EYA1: variants seen among roughly 807,000 people sequenced by gnomAD.
EYA1 encodes the protein protein phosphatase EYA1.
A neutral mutation model predicts 82.0 loss-of-function variants in EYA1; 16 were observed. The ratio of observed to expected loss-of-function variants is 0.20; its 90% CI spans 0.13 to 0.30. The LOEUF is 0.30. Ranked by LOEUF, EYA1 falls within the 10% of genes least tolerant of loss-of-function variation. The probability of loss-of-function intolerance (pLI) is 1.00; values close to 1 mark genes in which losing one functional copy is unlikely to be tolerated. For synonymous variants in EYA1, 261 were observed against 264.4 expected, an observed-to-expected ratio of 0.99 and a Z score of 0.12; for missense variants, 633 against 730.7, an observed-to-expected ratio of 0.87 and a Z score of 1.54.
At chr8:71,456,061 T>C (rs1807873283) in intron 2 of EYA1, among the ~76,000 whole-genome samples, 1 of 152,214 alleles carries the variant, frequency 6.6e-6, no homozygotes, top group Admixed American at 6.5e-5. Flanking sequence ...CAGCAAAGTC[T>C]CAGGATACAA....
intron 11 of EYA1, among the ~76,000 whole-genome samples, chr8:71,253,434 A>G (rs1813993843): frequency 6.6e-6 from 1 of 152,182 alleles, no homozygotes; most frequent in Non-Finnish European, 1.5e-5. Flanking sequence ...TATATAGGGG[A>G]AAGGTGGTCT....
chr8:71,202,612 G>C (rs1030312466), intron 17 of EYA1, among the ~76,000 whole-genome samples: 1 of 152,160 alleles, frequency 6.6e-6, no homozygotes, highest in Admixed American at 6.5e-5. Flanking sequence ...GTGGGGATGG[G>C]CCATTCATTT....
In EYA1 at chr8:71,356,452, A is replaced by T; in HGVS notation, c.-5+10T>A. On this transcript the variant is annotated intron_variant, in intron 2 of 17. Coordinates refer to ENST00000340726, the MANE Select transcript of EYA1 (RefSeq NM_000503.6). ...TCTCCAAAAATGTCAAATATCAACAATATCCTTACCTGCAACTTGAGGAAA... is the reference window on the plus strand; with the variant it reads ...TCTCCAAAAATGTCAAATATCAACATTATCCTTACCTGCAACTTGAGGAAA... 1 of 1,581,100 alleles carries T rather than the reference A, an allele frequency of 6.3e-7. No individual in the cohort carries two copies. Among genetic ancestry groups the T allele is most frequent in the African/African-American group, 1.3e-5 (1 of 74,450 alleles).
intron 4 of EYA1, among the ~76,000 whole-genome samples, chr8:71,325,161 TC>T (rs2129036250): frequency 6.6e-6 from 1 of 152,320 alleles, no homozygotes; most frequent in East Asian, 1.9e-4. Context: ...CTCCCAGACT[TC>T]AGAACTGCCC....
At chr8:71,529,059 T>C (rs944811501) in intron 2 of EYA1, among the ~76,000 whole-genome samples, 1 of 152,212 alleles carries the variant, frequency 6.6e-6, no homozygotes, top group African/African-American at 2.4e-5. Context: ...AGGTCTGTTA[T>C]CTCTACTGGT....
intron 2 of EYA1, among the ~76,000 whole-genome samples, chr8:71,435,421 C>A (rs1745942581): frequency 6.6e-6 from 1 of 151,592 alleles, no homozygotes; most frequent in Admixed American, 6.6e-5. Flanking sequence ...ATTTATTTTT[C>A]CTTTTAATTT....
chr8:71,390,975 T>C (rs1247772240), intron 2 of EYA1, among the ~76,000 whole-genome samples: 1 of 152,006 alleles, frequency 6.6e-6, no homozygotes, highest in Non-Finnish European at 1.5e-5. Context: ...CCTTTTTTTG[T>C]TTTTGTTTTT....
chr8:71,245,585 C>T (rs13259388), intron 11 of EYA1, among the ~76,000 whole-genome samples: 48,733 of 151,362 alleles, frequency 0.32, 8,170 homozygotes, highest in African/African-American at 0.35. Flanking sequence ...GTGTATTTTA[C>T]GTGTGGCCTC....
At position 71,199,254 on chromosome 8, in the gene EYA1, G is replaced by T. The variant is rs186838732; in HGVS notation, c.*86C>A. ...ACCAGGCGGAAATTGCTAAGTTCTGGAGGCCGGCGCTGATGCGAGACTGGG... is the reference window on the plus strand; with the variant it reads ...ACCAGGCGGAAATTGCTAAGTTCTGTAGGCCGGCGCTGATGCGAGACTGGG... On this transcript the variant is annotated 3_prime_UTR_variant, in exon 18 of 18. Transcript: ENST00000340726. 4.0e-4 allele frequency: 400 copies of T among 987,700 alleles called. 2 individuals are homozygous for T. Among genetic ancestry groups the T allele is most frequent in the South Asian group, 6.6e-4 (48 of 72,978 alleles). The allele number at this position is 987,700 out of a possible 1,614,324, so 61.2% of individuals were successfully genotyped here. A position where few individuals can be genotyped will look rare whatever the true frequency, so the allele number is the denominator to read the frequency against.
Position 71,291,169 on chromosome 8 carries a change from C to T in EYA1, c.826+7878G>A, listed in dbSNP as rs527347437. ...ACATAAGCATGTTAGCAAGTACAGA[C>T]GAGACTCAAATATCCTGCATGACAG... On this transcript the variant is annotated intron_variant, in intron 9 of 17. Coordinates refer to ENST00000340726, the MANE Select transcript of EYA1 (RefSeq NM_000503.6). Among the ~76,000 whole-genome samples, 330 of 152,218 alleles carry T rather than the reference C, an allele frequency of 2.2e-3. 1 individual carries two copies. The highest frequency in any genetic ancestry group is 6.9e-3 in the African/African-American group (286 of 41,538).
intron 2 of EYA1, among the ~76,000 whole-genome samples, chr8:71,526,384 AG>A (rs1813817873): frequency 6.6e-6 from 1 of 152,174 alleles, no homozygotes; most frequent in African/African-American, 2.4e-5. Flanking sequence ...ATGGAAAAAT[AG>A]GTTGATAGGA....
intron 4 of EYA1, among the ~76,000 whole-genome samples, chr8:71,327,108 A>G (rs531800918): frequency 8.5e-5 from 13 of 152,178 alleles, no homozygotes; most frequent in Non-Finnish European, 1.8e-4. Flanking sequence ...ATTTACATAC[A>G]CCAGCACTTA....
At chr8:71,325,203 GGTT>G (rs1823015936) in intron 4 of EYA1, among the ~76,000 whole-genome samples, 1 of 152,084 alleles carries the variant, frequency 6.6e-6, no homozygotes, top group Non-Finnish European at 1.5e-5. Flanking sequence ...TGTCTGATTT[GGTT>G]GTTGTTCACA....
At chr8:71,489,785 G>T (rs917347036) in intron 2 of EYA1, among the ~76,000 whole-genome samples, 3 of 152,362 alleles carry the variant, frequency 2.0e-5, no homozygotes, top group Non-Finnish European at 2.9e-5. Context: ...ATGTCATAGA[G>T]AACGACATGT....
intron 2 of EYA1, chr8:71,470,792 T>A: frequency 9.0e-6 from 4 of 444,940 alleles, no homozygotes; most frequent in East Asian, 7.0e-5. Flanking sequence ...GGCTAAAAGA[T>A]GTATGTAGCA....
At chr8:71,546,215 C>A (rs1815559090) in intron 1 of EYA1, among the ~76,000 whole-genome samples, 1 of 152,156 alleles carries the variant, frequency 6.6e-6, no homozygotes, top group African/African-American at 2.4e-5. Flanking sequence ...ATTTTTTTCC[C>A]CATCCGAGTA....
intron 1 of EYA1, among the ~76,000 whole-genome samples, chr8:71,547,325 C>A (rs1815711669): frequency 6.6e-6 from 1 of 152,184 alleles, no homozygotes; most frequent in Non-Finnish European, 1.5e-5. Context: ...GAGGACCCTC[C>A]CCTCCGTCCC....
chr8:71,504,820 G>A (rs1342151939), intron 2 of EYA1, among the ~76,000 whole-genome samples: 1 of 151,560 alleles, frequency 6.6e-6, no homozygotes, highest in East Asian at 1.9e-4. Context: ...TTATTTTTTT[G>A]AGACACAGTC....
chr8:71,344,907 C>CTA (rs1825543188), intron 3 of EYA1, among the ~76,000 whole-genome samples: 1 of 152,130 alleles, frequency 6.6e-6, no homozygotes, highest in Non-Finnish European at 1.5e-5. Flanking sequence ...ATATGTTTTT[C>CTA]TCATCCTTCA....
Sources: gnomAD v4.1 joint callset for allele counts (sites outside exome capture counted in the v4.1 genomes callset) on GRCh38, gnomAD v4.1.1 for gene constraint, MANE v1.5 for transcripts, NCBI Gene and HGNC (gene_info 2026-07-23, HGNC 2026-07-21) for gene names.